Variants in ADNP observed in about 807,000 individuals in gnomAD.
ADNP encodes activity dependent neuroprotector homeobox, also known as activity-dependent neuroprotector homeobox protein.
Under a neutral mutation model 84.9 loss-of-function variants are expected in ADNP, and 4 were observed. The ratio of observed to expected loss-of-function variants is 0.05; its 90% CI spans 0.02 to 0.11. The LOEUF (loss-of-function observed/expected upper bound fraction) is 0.11. Among genes scored for constraint, ADNP ranks in the 10% least tolerant of loss-of-function variants. ADNP has a pLI of 1.00. For synonymous variants in ADNP, 554 were observed against 468.1 expected (o/e 1.18, Z -2.37); for missense variants, 1,132 against 1,326.0 (o/e 0.85, Z 2.27).
intron 5 of ADNP, among the ~76,000 whole-genome samples, 173 bp downstream of exon 5, chr20:50,901,844 G>A (rs770103704): frequency 6.6e-6 from 1 of 152,150 alleles, no homozygotes; most frequent in African/African-American, 2.4e-5. Flanking sequence ...GACAAAAAAG[G>A]ACAAAAAGTT....
chr20:50,916,606 G>A (rs760554143), intron 2 of ADNP, among the ~76,000 whole-genome samples: 6 of 152,170 alleles, frequency 3.9e-5, no homozygotes, highest in Admixed American at 2.6e-4. Context: ...AGATGGTCGA[G>A]TGAGACAACA....
In ADNP at chr20:50,891,287, T is replaced by TGCCCCAC; in HGVS notation, c.*111_*117dup. 7.0e-7 allele frequency: 1 copy of TGCCCCAC among 1,430,166 alleles called. No homozygotes were observed. The highest frequency in any genetic ancestry group is 9.1e-7 in the Non-Finnish European group (1 of 1,098,184). The allele number at this position is 1,430,166 out of a possible 1,614,324, so 88.6% of individuals were successfully genotyped here. A position where few individuals can be genotyped will look rare whatever the true frequency, so the allele number is the denominator to read the frequency against. Reference sequence around the variant, plus strand: ...AACCACTGGAACTGCAGCGGCCACATGCCCCACAGTCCAACCAGTACTCAC... The same window carrying TGCCCCAC: ...AACCACTGGAACTGCAGCGGCCACATGCCCCACGCCCCACAGTCCAACCAGTACTCAC... On this transcript the variant is annotated 3_prime_UTR_variant, in exon 6 of 6. Coordinates refer to ENST00000621696, the MANE Select transcript of ADNP (RefSeq NM_001282531.3).
intron 2 of ADNP, 76 bp from the exon 3 acceptor site, chr20:50,904,925 G>C (rs1018841623): frequency 1.3e-5 from 2 of 152,088 alleles, no homozygotes; most frequent in Non-Finnish European, 2.9e-5. Flanking sequence ...ACTAAATACA[G>C]TAATGATATG....
chr20:50,892,768 A>C lies in ADNP; in HGVS notation c.1946T>G (p.Val649Gly). The C allele has an allele frequency of 6.2e-7, 1 of 1,614,234 alleles. No individual in the cohort carries two copies. The highest frequency in any genetic ancestry group is 8.5e-7 in the Non-Finnish European group (1 of 1,180,048). The change falls in exon 6 of 6, where the codon GTT (valine) becomes GGT (glycine). Residue 649 changes from valine to glycine, a missense_variant. Around this residue, in one of 10 missense-constraint regions of ADNP, gnomAD observed 39 missense variants for 96.2 expected, o/e 0.41. Transcript: ENST00000621696. ...CTCAACTGGATGAACCGTCTGAATA[A>C]CTTGGTGCCTCTCTCGTAAGTGATG... is the stretch of plus-strand genomic sequence containing the variant. Reference protein sequence around the residue: ...LAHHLRERHQVIQTVHPVEKK... With the variant: ...LAHHLRERHQGIQTVHPVEKK...
At chr20:50,917,179 GCAGCATGTTCCCTACGTACATCTGA>G (rs1250086758) in intron 2 of ADNP, among the ~76,000 whole-genome samples, 1 of 152,194 alleles carries the variant, frequency 6.6e-6, no homozygotes, top group Admixed American at 6.5e-5. Flanking sequence ...AAAACAAACA[GCAGCATGTTCCCTACGTACATCTGA>G]AAGTGCCAGA....
At position 50,891,824 on chromosome 20, in the gene ADNP, C is replaced by T; in HGVS notation, c.2890G>A (p.Glu964Lys). 1 of 1,614,122 alleles carries T rather than the reference C, an allele frequency of 6.2e-7. No individual in the cohort carries two copies. Among genetic ancestry groups the T allele is most frequent in the Non-Finnish European group, 8.5e-7 (1 of 1,180,012 alleles). ...GATGGAGAAGCACCGTCTTTCCACTCAACAACATCGTCTTGGTCAACCTCA... is the reference window on the plus strand; with the variant it reads ...GATGGAGAAGCACCGTCTTTCCACTTAACAACATCGTCTTGGTCAACCTCA... ...DSEVDQDDVV[E>K]WKDGASPSES... Residue 964 changes from glutamate to lysine, a missense_variant, in exon 6 of 6, where the codon GAG (glutamate) becomes AAG (lysine). Transcript: ENST00000621696.
At chr20:50,921,414 A>G (rs1983948938) in intron 2 of ADNP, among the ~76,000 whole-genome samples, 2 of 152,256 alleles carry the variant, frequency 1.3e-5, no homozygotes, top group African/African-American at 4.8e-5. Context: ...ACTATCTTAA[A>G]TAAACCCAGG....
Position 50,891,690 on chromosome 20 carries a change from G to C in ADNP, c.3024C>G (p.Ser1008Arg). The C allele has an allele frequency of 1.2e-6, 2 of 1,614,110 alleles. No individual in the cohort carries two copies. Among genetic ancestry groups the C allele is most frequent in the South Asian group, 1.1e-5 (1 of 91,074 alleles). The change falls in exon 6 of 6, where the codon AGC becomes AGG. Residue 1008 changes from serine to arginine, a missense_variant. Coordinates refer to ENST00000621696, the MANE Select transcript of ADNP (RefSeq NM_001282531.3). The stretch of plus-strand genomic sequence containing the variant: ...CCTTTTTTTTGGCAGCTGGCTTACT[G>C]CTCCTTGCATCTTCGCTTTGGGAAG... Reference protein sequence around the residue: ...DESSQSEDARSSKPAAKKKAT... With the variant: ...DESSQSEDARRSKPAAKKKAT...
intron 2 of ADNP, among the ~76,000 whole-genome samples, chr20:50,919,531 CAGAA>C (rs1013942311): frequency 1.7e-3 from 264 of 151,666 alleles, no homozygotes; most frequent in African/African-American, 5.8e-3. Flanking sequence ...TAAATTCAGA[CAGAA>C]TGAATGAATC....
chr20:50,924,120 G>GA (rs1286812464), intron 2 of ADNP, among the ~76,000 whole-genome samples: 5 of 152,094 alleles, frequency 3.3e-5, no homozygotes, highest in Non-Finnish European at 5.9e-5. Context: ...GAAGGATTCA[G>GA]AAAAAGAAAG....
At chr20:50,906,483 A>G (rs1026319141) in intron 2 of ADNP, among the ~76,000 whole-genome samples, 1 of 152,218 alleles carries the variant, frequency 6.6e-6, no homozygotes, top group African/African-American at 2.4e-5. Flanking sequence ...TGTGTCCAGA[A>G]GCCAGCCATT....
At chr20:50,897,486 T>C (rs893719827) in intron 5 of ADNP, among the ~76,000 whole-genome samples, 1 of 152,236 alleles carries the variant, frequency 6.6e-6, no homozygotes, top group Admixed American at 6.5e-5. Context: ...TCACAGACTT[T>C]GTGATTTATG....
chr20:50,900,978 G>C (rs1286383642), intron 5 of ADNP, among the ~76,000 whole-genome samples: 1 of 152,170 alleles, frequency 6.6e-6, no homozygotes, highest in Non-Finnish European at 1.5e-5. Flanking sequence ...ACTGTGAGGA[G>C]GGTGAGGTAT....
chr20:50,901,945 TA>T, intron 5 of ADNP, 71 bp downstream of exon 5: 1 of 1,148,936 alleles, frequency 8.7e-7, no homozygotes, highest in Non-Finnish European at 1.3e-6. Context: ...TGCACCGCTA[TA>T]AAAGGCCTAG....
chr20:50,927,325 T>C (rs1274118650), intron 2 of ADNP, among the ~76,000 whole-genome samples: 5 of 152,170 alleles, frequency 3.3e-5, no homozygotes, highest in African/African-American at 1.2e-4. Context: ...ATATTTTCTA[T>C]ACAGGAACTA....
intron 2 of ADNP, among the ~76,000 whole-genome samples, chr20:50,926,675 ATATAT>A: frequency 6.6e-6 from 1 of 152,316 alleles, no homozygotes; most frequent in African/African-American, 2.4e-5. Flanking sequence ...GAAAACCTAC[ATATAT>A]TTTATATGTA....
At chr20:50,930,042 G>C (rs574879276) in intron 1 of ADNP, among the ~76,000 whole-genome samples, 1 of 152,140 alleles carries the variant, frequency 6.6e-6, no homozygotes, top group African/African-American at 2.4e-5. Context: ...ATCAAGGTTG[G>C]GGGGGAGGGG....
At chr20:50,925,647 A>C (rs1182777977) in intron 2 of ADNP, among the ~76,000 whole-genome samples, 3 of 152,256 alleles carry the variant, frequency 2.0e-5, no homozygotes, top group Non-Finnish European at 4.4e-5. Context: ...AACAGCTTTT[A>C]CATTCAAAGT....
intron 5 of ADNP, among the ~76,000 whole-genome samples, chr20:50,901,622 G>C (rs1439470751): frequency 6.6e-6 from 1 of 152,118 alleles, no homozygotes; most frequent in Admixed American, 6.6e-5. Flanking sequence ...GCCTCCCATA[G>C]AAGTTGGGTG....
Sources: gnomAD v4.1 joint callset for allele counts (sites outside exome capture counted in the v4.1 genomes callset) on GRCh38, gnomAD v4.1.1 for gene constraint, gnomAD v4.1.1 regional missense constraint, MANE v1.5 for transcripts, NCBI Gene and HGNC (gene_info 2026-07-23, HGNC 2026-07-21) for gene names.